The following PRDM6 variants were observed in gnomAD, a reference collection of about 807,000 sequenced individuals.
PRDM6 encodes putative histone-lysine N-methyltransferase PRDM6.
PRDM6 carries 25 observed loss-of-function variants against 60.8 expected under a neutral mutation model. That is an observed-to-expected ratio of 0.41 (90% CI 0.30 to 0.57). The LOEUF is 0.57. PRDM6 is among the 20% of genes least tolerant of loss of function. The pLI, the probability that PRDM6 is intolerant of heterozygous loss-of-function variation, is 0.27. For synonymous variants in PRDM6, 407 were observed against 357.4 expected (o/e 1.14, Z -1.57); for missense variants, 839 against 821.3 (o/e 1.02, Z -0.26).
intron 3 of PRDM6, among the ~76,000 whole-genome samples, chr5:123,120,411 G>C (rs1431334030): frequency 6.6e-6 from 1 of 152,226 alleles, no homozygotes; most frequent in Non-Finnish European, 1.5e-5. Context: ...GCGTCACACA[G>C]TGGACAGGGT....
intron 3 of PRDM6, among the ~76,000 whole-genome samples, chr5:123,109,814 C>G (rs146229647): frequency 1.8e-4 from 28 of 152,102 alleles, no homozygotes; most frequent in Admixed American, 1.8e-3. Flanking sequence ...GATGAAAATG[C>G]GAGAATTACT....
At chr5:123,160,680 T>A (rs182030226) in intron 5 of PRDM6, among the ~76,000 whole-genome samples, 1 of 152,366 alleles carries the variant, frequency 6.6e-6, no homozygotes, top group Admixed American at 6.5e-5. Context: ...TTAATTTCTT[T>A]GTAAAAAGAA....
At chr5:123,126,609 T>G (rs1764700616) in intron 3 of PRDM6, among the ~76,000 whole-genome samples, 1 of 152,184 alleles carries the variant, frequency 6.6e-6, no homozygotes, top group Admixed American at 6.5e-5. Context: ...TGCCAGTAGA[T>G]TCTTGGATTC....
chr5:123,116,089 C>T (rs1374133143), intron 3 of PRDM6, among the ~76,000 whole-genome samples: 1 of 152,148 alleles, frequency 6.6e-6, no homozygotes, highest in Non-Finnish European at 1.5e-5. Flanking sequence ...AGGGAGTGCT[C>T]CGTGCTGCCT....
rs1043760544 is a variant in PRDM6, at chr5:123,090,329, G to A, written c.315G>A (p.Leu105=). The change falls in exon 2 of 8, where the codon CTG becomes CTA. Residue 105 remains leucine (L), a synonymous_variant. Coordinates refer to ENST00000407847, the MANE Select transcript of PRDM6 (RefSeq NM_001136239.4). ...CTGCTGCGGCCGCTGCCGCCGCGCTGGCTGGTCTCTCGGCCCTGCCGGTGT... is the reference window on the plus strand; with the variant it reads ...CTGCTGCGGCCGCTGCCGCCGCGCTAGCTGGTCTCTCGGCCCTGCCGGTGT... ...SCAAAAAAAA[L]AGLSALPVSQ... 101 of 1,479,568 alleles carry A rather than the reference G, an allele frequency of 6.8e-5. No homozygotes were observed. The African/African-American group carries it at 9.1e-4, about 13-fold the overall frequency. 91.7% of individuals were successfully genotyped at this position (1,479,568 alleles called of 1,614,324 possible). A position where few individuals can be genotyped will look rare whatever the true frequency, so the allele number is the denominator to read the frequency against.
rs990752096 is a variant in PRDM6 at position 123,128,338 on chromosome 5, C to T, written c.901-27546C>T. 7.2e-5 allele frequency among the ~76,000 whole-genome samples: 11 copies of T among 152,298 alleles called. No individual in the cohort carries two copies. In the South Asian group the frequency reaches 1.2e-3, roughly 17 times the overall value. On this transcript the variant is annotated intron_variant, in intron 3 of 7. Coordinates refer to ENST00000407847, the MANE Select transcript of PRDM6 (RefSeq NM_001136239.4). ...TTCTAGTTCCAGATCCTTGAGGAATCGCCTCACTGTCTTCCACAATGGTTG... is the reference window on the plus strand; with the variant it reads ...TTCTAGTTCCAGATCCTTGAGGAATTGCCTCACTGTCTTCCACAATGGTTG...
chr5:123,099,105 T>A lies in PRDM6; in HGVS notation c.593-549T>A, dbSNP rs1000268200. Among the ~76,000 whole-genome samples the A allele has an allele frequency of 6.6e-6, 1 of 152,136 alleles. No homozygotes were observed. Among genetic ancestry groups the A allele is most frequent in the Non-Finnish European group, 1.5e-5 (1 of 68,034 alleles). ...TGGTGATTTTAAATCGTCTCCTGTGTAATTGTAAAAAGAGGAAAGCTGAAT... is the reference window on the plus strand; with the variant it reads ...TGGTGATTTTAAATCGTCTCCTGTGAAATTGTAAAAAGAGGAAAGCTGAAT... On this transcript the variant is annotated intron_variant, in intron 2 of 7. Coordinates refer to ENST00000407847, the MANE Select transcript of PRDM6 (RefSeq NM_001136239.4). The surrounding 1 kb of genome is among the most constrained non-coding windows in gnomAD (Gnocchi z 4.0).
At chr5:123,130,329 C>G (rs1764803504) in intron 3 of PRDM6, among the ~76,000 whole-genome samples, 1 of 123,084 alleles carries the variant, frequency 8.1e-6, no homozygotes, top group African/African-American at 3.2e-5. Context: ...TCTCTCCCTC[C>G]CTCCTTCCCT....
At chr5:123,128,222 T>G (rs1764738904) in intron 3 of PRDM6, among the ~76,000 whole-genome samples, 1 of 152,246 alleles carries the variant, frequency 6.6e-6, no homozygotes, top group South Asian at 2.1e-4. Flanking sequence ...AGTGCCACAG[T>G]AAACATACGT....
intron 2 of PRDM6, among the ~76,000 whole-genome samples, chr5:123,098,908 G>A (rs1414067398): frequency 6.6e-6 from 1 of 151,076 alleles, no homozygotes; most frequent in Non-Finnish European, 1.5e-5. Flanking sequence ...CCCATTTCGG[G>A]CGCGCCCTTG....
chr5:123,106,683 A>G (rs1056332946), intron 3 of PRDM6, among the ~76,000 whole-genome samples: 6 of 152,218 alleles, frequency 3.9e-5, no homozygotes, highest in African/African-American at 1.4e-4. Context: ...GGGTCTGAAT[A>G]TCCATGAGAT....
At chr5:123,151,306 G>A (rs945024473) in intron 3 of PRDM6, among the ~76,000 whole-genome samples, 3 of 152,092 alleles carry the variant, frequency 2.0e-5, no homozygotes, top group East Asian at 3.9e-4. Context: ...TGAAACCTTC[G>A]GATCCCACTT....
chr5:123,139,934 G>T (rs1444062972), intron 3 of PRDM6, among the ~76,000 whole-genome samples: 4 of 152,030 alleles, frequency 2.6e-5, no homozygotes, highest in Admixed American at 2.6e-4. Flanking sequence ...TGATATAAAT[G>T]TTTTTATGAT....
intron 3 of PRDM6, among the ~76,000 whole-genome samples, chr5:123,138,028 C>CCA (rs545850194): frequency 1.3e-4 from 2 of 15,590 alleles, no homozygotes; most frequent in South Asian, 1.3e-3. Flanking sequence ...TCTGGGTTCA[C>CCA]CCCCGCACCT....
At chr5:123,143,387 A>G (rs1765165567) in intron 3 of PRDM6, among the ~76,000 whole-genome samples, 1 of 152,108 alleles carries the variant, frequency 6.6e-6, no homozygotes, top group Non-Finnish European at 1.5e-5. Flanking sequence ...GAAAGAAGGG[A>G]ATCAATCCCA....
At chr5:123,173,503 A>T (rs7719757) in intron 6 of PRDM6, 49,311 of 166,892 alleles carry the variant, frequency 0.3, 7,617 homozygotes, top group East Asian at 0.59. Context: ...TGGGCTTGTT[A>T]TCTGGGAAGG....
chr5:123,128,869 A>G (rs1764754056), intron 3 of PRDM6, among the ~76,000 whole-genome samples: 1 of 152,138 alleles, frequency 6.6e-6, no homozygotes, highest in Non-Finnish European at 1.5e-5. Context: ...GGTATTGGCT[A>G]GGTTTTCTTG....
intron 3 of PRDM6, among the ~76,000 whole-genome samples, chr5:123,124,637 G>A (rs2287696): frequency 0.16 from 24,953 of 152,108 alleles, 2,481 homozygotes; most frequent in East Asian, 0.51. Context: ...AGGGATCAGG[G>A]ATTAAAATGG....
chr5:123,134,620 C>A (rs1322597322), intron 3 of PRDM6, among the ~76,000 whole-genome samples: 1 of 151,998 alleles, frequency 6.6e-6, no homozygotes, highest in Non-Finnish European at 1.5e-5. Flanking sequence ...AGGAACTGAG[C>A]TTTTTAATGT....
Sources: allele counts gnomAD v4.1 joint callset (sites outside exome capture counted in the v4.1 genomes callset), GRCh38; gene constraint gnomAD v4.1.1; non-coding constraint Gnocchi (gnomAD v3.1); transcripts MANE v1.5; gene names NCBI Gene and HGNC (gene_info 2026-07-23, HGNC 2026-07-21).